Variants in KDM4A observed in about 807,000 individuals in gnomAD.
The protein encoded by KDM4A is lysine demethylase 4A.
A neutral mutation model predicts 127.1 loss-of-function variants in KDM4A; 23 were observed. The ratio of observed to expected loss-of-function variants is 0.18; its 90% CI spans 0.13 to 0.26. The LOEUF is 0.26. Ranked by LOEUF, KDM4A falls within the 10% of genes least tolerant of loss-of-function variation. The pLI, the probability that KDM4A is intolerant of heterozygous loss-of-function variation, is 1.00. For synonymous variants in KDM4A, 443 were observed against 466.5 expected (o/e 0.95, Z 0.65); for missense variants, 890 against 1,329.1 (o/e 0.67, Z 5.14).
At position 43,663,824 on chromosome 1, in the gene KDM4A, G is replaced by C. The variant is rs191561845; in HGVS notation, c.623+737G>C. 6.2e-3 allele frequency among the ~76,000 whole-genome samples: 944 copies of C among 151,942 alleles called. 3 individuals are homozygous for C. The highest frequency in any genetic ancestry group is 0.011 in the Non-Finnish European group (753 of 67,964). ...CTTCTTTTTTTTTAGGGTAGAGATG[G>C]GGTCTCACTATGTTGCACAGGCTGG... On this transcript the variant is annotated intron_variant, in intron 5 of 21. Coordinates refer to ENST00000372396, the MANE Select transcript of KDM4A (RefSeq NM_014663.3).
chr1:43,686,356 G>A (rs1220327526), intron 12 of KDM4A, among the ~76,000 whole-genome samples: 4 of 126,996 alleles, frequency 3.1e-5, no homozygotes, highest in Non-Finnish European at 5.0e-5. Flanking sequence ...TTTTTGAGAC[G>A]GAGTCTTACT....
rs775952434 is a variant in KDM4A, at chr1:43,704,129, TC to T, written c.3054+23del. 1.9e-4 allele frequency: 305 copies of T among 1,612,544 alleles called. 1 individual carries two copies. In the Admixed American group the frequency reaches 3.2e-3, roughly 17 times the overall value. ...TCTAGACTGGTGAGTATTTTCTGTG[TC>T]CCCCCAGTTCCTGTCTTGGAGGGAG... is the stretch of plus-strand genomic sequence containing the variant. On this transcript the variant is annotated intron_variant, in intron 21 of 21. Coordinates refer to ENST00000372396, the MANE Select transcript of KDM4A (RefSeq NM_014663.3).
intron 10 of KDM4A, among the ~76,000 whole-genome samples, chr1:43,670,701 C>A (rs907320865): frequency 6.6e-6 from 1 of 151,722 alleles, no homozygotes; most frequent in African/African-American, 2.4e-5. Context: ...GTAGCTGGGA[C>A]TACAGATGCT....
chr1:43,681,522 C>G (rs568512001), intron 11 of KDM4A, among the ~76,000 whole-genome samples: 1 of 152,202 alleles, frequency 6.6e-6, no homozygotes, highest in African/African-American at 2.4e-5. Flanking sequence ...GTACCCTACA[C>G]AGCTTGTTTA....
chr1:43,686,060 G>T (rs979996605), intron 12 of KDM4A, among the ~76,000 whole-genome samples: 1 of 151,518 alleles, frequency 6.6e-6, no homozygotes, highest in Non-Finnish European at 1.5e-5. Context: ...CTTTTCTCTA[G>T]TCAGATATTA....
Position 43,694,191 on chromosome 1 carries a change from T to C in KDM4A, c.2484+89T>C. 1 of 1,027,104 alleles carries C rather than the reference T, an allele frequency of 9.7e-7. No individual in the cohort carries two copies. The highest frequency in any genetic ancestry group is 1.5e-6 in the Non-Finnish European group (1 of 684,882). The allele number at this position is 1,027,104 out of a possible 1,614,324, so 63.6% of individuals were successfully genotyped here. On this transcript the variant is annotated intron_variant, in intron 17 of 21. Coordinates refer to ENST00000372396, the MANE Select transcript of KDM4A (RefSeq NM_014663.3). The surrounding 1 kb of genome is among the most constrained non-coding windows in gnomAD (Gnocchi z 5.2). Reference sequence around the variant, plus strand: ...GACCTCCTGTACCCCTTGGTTTTGGTTAGAGTTTGTGATTCTCACTCTGTG... The same window carrying C: ...GACCTCCTGTACCCCTTGGTTTTGGCTAGAGTTTGTGATTCTCACTCTGTG...
At position 43,704,846 on chromosome 1, in the gene KDM4A, T is replaced by C; in HGVS notation, c.*476T>C. 6.2e-6 allele frequency: 1 copy of C among 160,562 alleles called. No individual in the cohort carries two copies. The highest frequency in any genetic ancestry group is 1.4e-5 in the Non-Finnish European group (1 of 73,296). 9.9% of individuals were successfully genotyped at this position (160,562 alleles called of 1,614,324 possible). On this transcript the variant is annotated 3_prime_UTR_variant, in exon 22 of 22. Transcript: ENST00000372396. ...CCAGCTTCTGCCAGCCCCTGGCCTT[T>C]ACTTTCTTCCTTGCCTATGCAGGGC...
chr1:43,691,660 C>G, intron 15 of KDM4A, 88 bp downstream of exon 15: 1 of 1,119,042 alleles, frequency 8.9e-7, no homozygotes. Flanking sequence ...TCAGTATTCC[C>G]AGCAGTCTGC....
intron 3 of KDM4A, among the ~76,000 whole-genome samples, chr1:43,658,956 A>T (rs938315852): frequency 6.6e-6 from 1 of 151,310 alleles, no homozygotes; most frequent in Non-Finnish European, 1.5e-5. Context: ...AATCTAAAAG[A>T]AGTTTTTTTT....
At chr1:43,685,962 T>G (rs61768374) in intron 12 of KDM4A, among the ~76,000 whole-genome samples, 37,276 of 151,818 alleles carry the variant, frequency 0.25, 4,966 homozygotes, top group Non-Finnish European at 0.3. Context: ...AATATAGACT[T>G]CAGGAAACTG....
intron 8 of KDM4A, 124 bp from the exon 9 acceptor site, chr1:43,667,648 C>A: frequency 7.6e-7 from 1 of 1,321,802 alleles, no homozygotes. Context: ...GCCTGTGAAC[C>A]AAAACAATCT....
At chr1:43,670,556 ATTTTTTTTTTT>A (rs35331772) in intron 10 of KDM4A, among the ~76,000 whole-genome samples, 4 of 76,162 alleles carry the variant, frequency 5.3e-5, no homozygotes, top group South Asian at 4.2e-4. Flanking sequence ...CGCCTGGCTA[ATTTTTTTTTTT>A]TTTTTTTTTT....
chr1:43,675,351 AC>A (rs1660717313), intron 11 of KDM4A, among the ~76,000 whole-genome samples: 1 of 152,190 alleles, frequency 6.6e-6, no homozygotes, highest in Non-Finnish European at 1.5e-5. Context: ...TCATTCCAGT[AC>A]TTAATGATAC....
intron 5 of KDM4A, 60 bp downstream of exon 5, chr1:43,663,147 T>C (rs1258953308): frequency 6.8e-7 from 1 of 1,460,998 alleles, no homozygotes; most frequent in East Asian, 2.3e-5. Context: ...TCATGTTCAT[T>C]GTGCGTGGGA....
chr1:43,661,230 C>T (rs1660368911), intron 4 of KDM4A, among the ~76,000 whole-genome samples: 1 of 151,996 alleles, frequency 6.6e-6, no homozygotes, highest in Non-Finnish European at 1.5e-5. Flanking sequence ...CTGCCTCAGC[C>T]TCCCAAAGTG....
At chr1:43,663,656 C>G (rs1244410287) in intron 5 of KDM4A, among the ~76,000 whole-genome samples, 2 of 151,744 alleles carry the variant, frequency 1.3e-5, no homozygotes, top group African/African-American at 2.4e-5. Context: ...CAGGGTCTCA[C>G]TCTGTCACCC....
chr1:43,683,680 C>T lies in KDM4A; in HGVS notation c.1735-4C>T, dbSNP rs778330265. On this transcript the variant is annotated splice_polypyrimidine_tract_variant and splice_region_variant and intron_variant, in intron 11 of 21. Coordinates refer to ENST00000372396, the MANE Select transcript of KDM4A (RefSeq NM_014663.3). ...ACCAATTTAATTTCTTGTGGTTTGC[C>T]CAGGTTGCAGATGAATACATGTTTT... The T allele has an allele frequency of 4.3e-5, 69 of 1,611,338 alleles. No homozygotes were observed. In the South Asian group the frequency reaches 5.2e-4, roughly 12 times the overall value.
intron 1 of KDM4A, 81 bp from the exon 2 acceptor site, chr1:43,653,056 T>C: frequency 1.4e-6 from 1 of 708,988 alleles, no homozygotes; most frequent in South Asian, 3.4e-5. Context: ...CTATATTATC[T>C]TTTACTGTTT....
At chr1:43,653,936 C>G (rs1430716299) in intron 2 of KDM4A, 1 of 152,204 alleles carries the variant, frequency 6.6e-6, no homozygotes, top group African/African-American at 2.4e-5. Context: ...GGACCTCAGT[C>G]TAAGCCAGGA....
Sources: gnomAD v4.1 joint callset for allele counts (sites outside exome capture counted in the v4.1 genomes callset) on GRCh38, gnomAD v4.1.1 for gene constraint, Gnocchi (gnomAD v3.1) non-coding constraint, MANE v1.5 for transcripts, NCBI Gene and HGNC (gene_info 2026-07-23, HGNC 2026-07-21) for gene names.